The following NBAS variants were observed in gnomAD, a reference collection of about 807,000 sequenced individuals.
NBAS encodes NBAS subunit of NRZ tethering complex.
NBAS carries 219 observed loss-of-function variants against 302.5 expected under a neutral mutation model. That is an observed-to-expected ratio of 0.72 (90% CI 0.65 to 0.81). The LOEUF is 0.81. Among genes scored for constraint, NBAS ranks in the 30% least tolerant of loss-of-function variants. The probability of loss-of-function intolerance (pLI) is 0.00; values close to 1 mark genes in which losing one functional copy is unlikely to be tolerated. For synonymous variants in NBAS, 1,118 were observed against 1,021.6 expected (o/e 1.09, Z -1.80); for missense variants, 2,932 against 2,841.6 (o/e 1.03, Z -0.72).
the NBAS span, among the ~76,000 whole-genome samples, chr2:14,873,049 G>C: frequency 1.3e-5 from 2 of 152,234 alleles, no homozygotes; most frequent in Admixed American, 6.5e-5. Context: ...ACTCTCGGCA[G>C]GTGGCCGAGG....
intron 48 of NBAS, among the ~76,000 whole-genome samples, chr2:15,196,885 T>C (rs1271349175): frequency 6.6e-6 from 1 of 152,182 alleles, no homozygotes; most frequent in Non-Finnish European, 1.5e-5. Flanking sequence ...CATGCCTGTT[T>C]AACAGATGGG....
At chr2:15,551,203 A>G (rs997564545) in intron 6 of NBAS, among the ~76,000 whole-genome samples, 1 of 152,160 alleles carries the variant, frequency 6.6e-6, no homozygotes, top group Non-Finnish European at 1.5e-5. Flanking sequence ...ACTTATACCT[A>G]TTTATTTCTG....
chr2:15,131,825 A>G, the NBAS span, among the ~76,000 whole-genome samples: 1 of 152,196 alleles, frequency 6.6e-6, no homozygotes, highest in Non-Finnish European at 1.5e-5. Flanking sequence ...GAGCTTTTAC[A>G]CACTAAGAAA....
intron 41 of NBAS, among the ~76,000 whole-genome samples, chr2:15,291,033 T>C (rs1670281801): frequency 6.6e-6 from 1 of 152,234 alleles, no homozygotes; most frequent in South Asian, 2.1e-4. Context: ...ATAATGAAGA[T>C]TATCTTTGCT....
Position 15,415,617 on chromosome 2 carries a change from C to T in NBAS, c.2866G>A (p.Glu956Lys). ...CCTTTAGCTAAAGTTACTAAATATT[C>T]TTTTAATAGCTCATTAGCCACACCA... The part of the protein sequence containing the change: ...SPGVANELLK[E>K]YLVTLAKGDL... The change falls in exon 25 of 52, where the codon GAA becomes AAA. Residue 956 changes from glutamate to lysine, a missense_variant. Transcript: ENST00000281513. 1.2e-6 allele frequency: 2 copies of T among 1,613,964 alleles called. No individual in the cohort carries two copies. The highest frequency in any genetic ancestry group is 8.5e-7 in the Non-Finnish European group (1 of 1,179,890).
the NBAS span, among the ~76,000 whole-genome samples, chr2:15,046,937 C>T: frequency 6.6e-6 from 1 of 152,138 alleles, no homozygotes; most frequent in Non-Finnish European, 1.5e-5. Context: ...ATAACTGGTC[C>T]AGTCAACATC....
At chr2:15,128,771 G>A in the NBAS span, among the ~76,000 whole-genome samples, 1 of 152,212 alleles carries the variant, frequency 6.6e-6, no homozygotes, top group African/African-American at 2.4e-5. Context: ...GCCAGACTGA[G>A]GCAAAGTTTG....
intron 44 of NBAS, among the ~76,000 whole-genome samples, chr2:15,261,921 T>C (rs1296711214): frequency 6.6e-6 from 1 of 152,218 alleles, no homozygotes; most frequent in Admixed American, 6.5e-5. Context: ...ACTGTATTTA[T>C]AGCAAAATCA....
intron 44 of NBAS, among the ~76,000 whole-genome samples, chr2:15,256,722 T>A (rs896465401): frequency 6.6e-6 from 1 of 152,226 alleles, no homozygotes; most frequent in African/African-American, 2.4e-5. Flanking sequence ...TACCTTGAGG[T>A]ATGTCCCTTA....
intron 44 of NBAS, among the ~76,000 whole-genome samples, chr2:15,247,543 A>G (rs1285438115): frequency 6.6e-6 from 1 of 152,086 alleles, no homozygotes; most frequent in Non-Finnish European, 1.5e-5. Flanking sequence ...AATGGAAACG[A>G]AAAAAAGCAG....
At chr2:14,906,390 T>C in the NBAS span, among the ~76,000 whole-genome samples, 28 of 152,334 alleles carry the variant, frequency 1.8e-4, no homozygotes, top group Non-Finnish European at 1.9e-4. Context: ...AGAGCCAGGA[T>C]TCACACTCAC....
chr2:14,918,430 A>C, the NBAS span, among the ~76,000 whole-genome samples: 1 of 152,334 alleles, frequency 6.6e-6, no homozygotes, highest in East Asian at 1.9e-4. Flanking sequence ...GGGTTTGGAA[A>C]GGAGATGTTT....
Position 15,267,366 on chromosome 2 carries a change from G to T in NBAS, c.5724+8118C>A, listed in dbSNP as rs187292659. Among the ~76,000 whole-genome samples the T allele has an allele frequency of 2.3e-3, 355 of 152,220 alleles. 6 individuals carry two copies. The highest frequency in any genetic ancestry group is 0.015 in the Admixed American group (233 of 15,284). On this transcript the variant is annotated intron_variant, in intron 44 of 51. Coordinates refer to ENST00000281513, the MANE Select transcript of NBAS (RefSeq NM_015909.4). ...GTCAAACAACTAGACCAAAGCCAGA[G>T]ATCAATGGGCAAAATACTTATTTTG... is the stretch of plus-strand genomic sequence containing the variant.
At chr2:15,417,197 A>G (rs924828411) in intron 24 of NBAS, among the ~76,000 whole-genome samples, 1 of 152,198 alleles carries the variant, frequency 6.6e-6, no homozygotes, top group Admixed American at 6.5e-5. Flanking sequence ...CTTGAAATAC[A>G]TAAGTAATTG....
intron 35 of NBAS, among the ~76,000 whole-genome samples, chr2:15,333,840 TAAAA>T (rs554151194): frequency 8.7e-5 from 8 of 92,428 alleles, no homozygotes; most frequent in Admixed American, 1.1e-4. Context: ...ACAGTGGAGG[TAAAA>T]AAAAAAAAAA....
intron 45 of NBAS, among the ~76,000 whole-genome samples, chr2:15,237,047 G>A (rs976524800): frequency 2.0e-5 from 3 of 152,110 alleles, no homozygotes; most frequent in Non-Finnish European, 4.4e-5. Context: ...TTCAATAAAT[G>A]TGTAAGGTTT....
At chr2:15,087,813 T>A in the NBAS span, among the ~76,000 whole-genome samples, 1 of 152,262 alleles carries the variant, frequency 6.6e-6, no homozygotes, top group Non-Finnish European at 1.5e-5. Context: ...CTTCATTGAC[T>A]CACTCAGTCA....
intron 9 of NBAS, among the ~76,000 whole-genome samples, chr2:15,524,897 A>C (rs1056569906): frequency 1.3e-5 from 2 of 152,092 alleles, no homozygotes; most frequent in African/African-American, 4.8e-5. Context: ...CTAATGAATA[A>C]ATTAACTTAA....
intron 21 of NBAS, among the ~76,000 whole-genome samples, chr2:15,450,810 T>C (rs1014039503): frequency 1.4e-4 from 22 of 152,358 alleles, no homozygotes; most frequent in South Asian, 2.1e-4. Context: ...AGGTTCATTT[T>C]TGATGCTTTC....
Sources: gnomAD v4.1 joint callset for allele counts (sites outside exome capture counted in the v4.1 genomes callset) on GRCh38, gnomAD v4.1.1 for gene constraint, MANE v1.5 for transcripts, NCBI Gene and HGNC (gene_info 2026-07-23, HGNC 2026-07-21) for gene names.